SYN3: variants seen among roughly 807,000 people sequenced by gnomAD.
SYN3 encodes synapsin III.
SYN3 carries 35 observed loss-of-function variants against 65.8 expected under a neutral mutation model. The ratio of observed to expected loss-of-function variants is 0.53; its 90% CI spans 0.41 to 0.70. The LOEUF is 0.70. Ranked by LOEUF, SYN3 falls within the 30% of genes least tolerant of loss-of-function variation. The pLI, the probability that SYN3 is intolerant of heterozygous loss-of-function variation, is 0.00. For synonymous variants in SYN3, 270 were observed against 292.9 expected, an observed-to-expected ratio of 0.92 and a Z score of 0.80; for missense variants, 680 against 749.0, an observed-to-expected ratio of 0.91 and a Z score of 1.08.
chr22:32,576,567 C>T (rs1464200371), intron 7 of SYN3, among the ~76,000 whole-genome samples: 1 of 152,124 alleles, frequency 6.6e-6, no homozygotes, highest in Non-Finnish European at 1.5e-5. Context: ...TTCTCTTTCC[C>T]CTTCAAGCCA....
intron 7 of SYN3, among the ~76,000 whole-genome samples, chr22:32,548,285 G>A (rs2058363065): frequency 6.6e-6 from 1 of 152,198 alleles, no homozygotes; most frequent in Admixed American, 6.5e-5. Context: ...GAACTCCTGA[G>A]TTCAAGCCAT....
chr22:32,594,543 AATGGCG>A (rs2059171615), intron 7 of SYN3, among the ~76,000 whole-genome samples: 1 of 151,132 alleles, frequency 6.6e-6, no homozygotes, highest in Non-Finnish European at 1.5e-5. Context: ...GCTGGAGTGC[AATGGCG>A]TGATCTCGGC....
intron 6 of SYN3, among the ~76,000 whole-genome samples, chr22:32,834,341 T>C (rs2047669105): frequency 6.6e-6 from 1 of 152,152 alleles, no homozygotes; most frequent in Admixed American, 6.5e-5. Flanking sequence ...TTTTGTATTT[T>C]TAGTAGAAAC....
chr22:32,516,437 C>T (rs2057777858), intron 13 of SYN3, among the ~76,000 whole-genome samples: 2 of 152,080 alleles, frequency 1.3e-5, no homozygotes, highest in South Asian at 4.1e-4. Context: ...CATCTCAGCT[C>T]ACTGCAACCT....
intron 12 of SYN3, chr22:32,519,277 A>C (rs1436329965): frequency 2.6e-5 from 4 of 152,038 alleles, no homozygotes; most frequent in Non-Finnish European, 5.9e-5. Flanking sequence ...TAATCATTAC[A>C]AAAGTGGTGA....
intron 6 of SYN3, among the ~76,000 whole-genome samples, chr22:32,708,503 GAC>G (rs994196036): frequency 1.3e-5 from 2 of 152,154 alleles, no homozygotes; most frequent in African/African-American, 2.4e-5. Context: ...TTCCAAGGAA[GAC>G]ACAGTTTTAA....
chr22:32,703,599 T>C (rs2060839134), intron 6 of SYN3, among the ~76,000 whole-genome samples: 1 of 149,490 alleles, frequency 6.7e-6, no homozygotes. Context: ...ATCATGCTAC[T>C]GCACTCCAGC....
chr22:32,779,004 A>G (rs2045971008), intron 6 of SYN3, among the ~76,000 whole-genome samples: 1 of 152,228 alleles, frequency 6.6e-6, no homozygotes, highest in Admixed American at 6.5e-5. Context: ...ACGATGGCTC[A>G]AGACAGACAT....
intron 3 of SYN3, among the ~76,000 whole-genome samples, chr22:32,939,334 G>C (rs2050871296): frequency 6.6e-6 from 1 of 152,214 alleles, no homozygotes; most frequent in Non-Finnish European, 1.5e-5. Context: ...GATGAGGTAA[G>C]GATGTACATT....
At chr22:32,593,045 C>T (rs1222115292) in intron 7 of SYN3, among the ~76,000 whole-genome samples, 1 of 152,192 alleles carries the variant, frequency 6.6e-6, no homozygotes, top group Non-Finnish European at 1.5e-5. Context: ...TCCAGGAGGA[C>T]AATCTTCACT....
At chr22:32,955,518 T>G (rs1033449912) in intron 3 of SYN3, among the ~76,000 whole-genome samples, 1 of 152,172 alleles carries the variant, frequency 6.6e-6, no homozygotes, top group Non-Finnish European at 1.5e-5. Context: ...TTTTATGTTT[T>G]TCATTGTGGT....
intron 7 of SYN3, among the ~76,000 whole-genome samples, chr22:32,557,979 A>T (rs2058527661): frequency 6.6e-6 from 1 of 152,160 alleles, no homozygotes; most frequent in African/African-American, 2.4e-5. Flanking sequence ...CTCTTTTAAC[A>T]ATCTCTTCTT....
chr22:32,643,063 T>G, intron 6 of SYN3, among the ~76,000 whole-genome samples: 1 of 151,862 alleles, frequency 6.6e-6, no homozygotes, highest in Non-Finnish European at 1.5e-5. Flanking sequence ...TTTGAGGAAG[T>G]TATTTGTTTG....
At chr22:32,532,454 G>T (rs1226392150) in intron 10 of SYN3, among the ~76,000 whole-genome samples, 1 of 152,308 alleles carries the variant, frequency 6.6e-6, no homozygotes, top group African/African-American at 2.4e-5. Flanking sequence ...GGAACTTCAG[G>T]TGTGGTGGCG....
At chr22:32,664,991 CTTTTTTTTT>C (rs564943069) in intron 6 of SYN3, among the ~76,000 whole-genome samples, 17 of 68,994 alleles carry the variant, frequency 2.5e-4, no homozygotes, top group Non-Finnish European at 3.3e-4. Context: ...ATGTATAATT[CTTTTTTTTT>C]TTTTTTTTTT....
Position 32,535,781 on chromosome 22 carries a change from C to CGGG in SYN3, c.993-1889_993-1887dup, listed in dbSNP as rs370373433. ...AGCAGCGTGAGAGTGCTTGGAGAAT[C>CGGG]GGGGGGGGGGCCCTGCTCCCCTCCT... is the stretch of plus-strand genomic sequence containing the variant. On this transcript the variant is annotated intron_variant, in intron 9 of 13. Transcript: ENST00000358763. 3.4e-3 allele frequency among the ~76,000 whole-genome samples: 506 copies of CGGG among 147,004 alleles called. 2 individuals are homozygous for CGGG. Among genetic ancestry groups the CGGG allele is most frequent in the African/African-American group, 0.012 (461 of 39,906 alleles).
In SYN3 at chr22:32,545,077, G is replaced by A. The variant is rs185347578; in HGVS notation, c.775-3364C>T. On this transcript the variant is annotated intron_variant, in intron 7 of 13. Coordinates refer to ENST00000358763, the MANE Select transcript of SYN3 (RefSeq NM_003490.4). Reference sequence around the variant, plus strand: ...GAAGAGGTGTATGAACTTCCAGGCTGTGCCGTTAAAGGGCAGGGGAGGGCT... The same window carrying A: ...GAAGAGGTGTATGAACTTCCAGGCTATGCCGTTAAAGGGCAGGGGAGGGCT... Among the ~76,000 whole-genome samples the A allele has an allele frequency of 5.0e-3, 759 of 152,310 alleles. 5 individuals carry two copies. Among genetic ancestry groups the A allele is most frequent in the African/African-American group, 0.017 (727 of 41,554 alleles).
chr22:32,595,364 A>T (rs1443759686), intron 7 of SYN3, among the ~76,000 whole-genome samples: 1 of 152,178 alleles, frequency 6.6e-6, no homozygotes, highest in Non-Finnish European at 1.5e-5. Context: ...GCTCTATTTC[A>T]TTTGAACTCC....
At chr22:33,042,269 G>C (rs1487840241) in intron 1 of SYN3, among the ~76,000 whole-genome samples, 1 of 152,124 alleles carries the variant, frequency 6.6e-6, no homozygotes, top group Non-Finnish European at 1.5e-5. Flanking sequence ...AACTGACTAA[G>C]AGCCAACACA....
Sources: allele counts gnomAD v4.1 joint callset (sites outside exome capture counted in the v4.1 genomes callset), GRCh38; gene constraint gnomAD v4.1.1; transcripts MANE v1.5; gene names NCBI Gene and HGNC (gene_info 2026-07-23, HGNC 2026-07-21).